CSMD1: variants seen among roughly 807,000 people sequenced by gnomAD.
CSMD1 encodes the protein CUB and sushi domain-containing protein 1.
CSMD1 carries 213 observed loss-of-function variants against 417.5 expected under a neutral mutation model. The ratio of observed to expected loss-of-function variants is 0.51; its 90% CI spans 0.46 to 0.57. The LOEUF is 0.57. CSMD1 is among the 20% of genes least tolerant of loss of function. The pLI is 0.00. For missense variants in CSMD1, 6,923 were observed against 4,529.7 expected, an observed-to-expected ratio of 1.53 and a Z score of -15.17; for synonymous variants, 2,862 against 1,736.8, an observed-to-expected ratio of 1.65 and a Z score of -16.11.
intron 23 of CSMD1, among the ~76,000 whole-genome samples, chr8:3,321,696 C>T (rs1445200783): frequency 2.2e-5 from 3 of 136,656 alleles, no homozygotes; most frequent in Non-Finnish European, 3.2e-5. Flanking sequence ...GACAATGTGT[C>T]TGTAAGTGCT....
At chr8:3,018,764 A>AT in intron 51 of CSMD1, 114 bp from the exon 52 acceptor site, 1 of 932,678 alleles carries the variant, frequency 1.1e-6, no homozygotes, top group Admixed American at 2.6e-5. Flanking sequence ...TTTAGTCTTA[A>AT]TTTTCACTAA....
chr8:3,103,929 C>G (rs4875239), intron 46 of CSMD1, among the ~76,000 whole-genome samples: 150,135 of 151,688 alleles, frequency 0.99, 74,304 homozygotes, highest in East Asian at 1. Context: ...TTTCAGTAGA[C>G]ACGGGGTTTC....
chr8:4,300,010 T>C (rs1797894618), intron 3 of CSMD1, among the ~76,000 whole-genome samples: 1 of 152,198 alleles, frequency 6.6e-6, no homozygotes, highest in Non-Finnish European at 1.5e-5. Flanking sequence ...AGCATAAATC[T>C]ACAAGTTTGT....
intron 10 of CSMD1, among the ~76,000 whole-genome samples, chr8:3,539,093 C>T (rs888915140): frequency 6.6e-6 from 1 of 152,190 alleles, no homozygotes; most frequent in Non-Finnish European, 1.5e-5. Flanking sequence ...AGTCTTGCCC[C>T]AGTCCCTTTC....
chr8:3,566,271 A>G (rs1466194359), intron 10 of CSMD1, among the ~76,000 whole-genome samples: 1 of 152,182 alleles, frequency 6.6e-6, no homozygotes, highest in Non-Finnish European at 1.5e-5. Context: ...GAAGAAAAGA[A>G]TAACAAGAAG....
At chr8:4,657,024 C>A (rs568034511) in intron 1 of CSMD1, among the ~76,000 whole-genome samples, 4 of 152,156 alleles carry the variant, frequency 2.6e-5, no homozygotes, top group Admixed American at 2.6e-4. Flanking sequence ...CGCAAAGCCA[C>A]CAGGACACGC....
chr8:3,727,470 A>G (rs1435433401), intron 6 of CSMD1, among the ~76,000 whole-genome samples: 1 of 152,240 alleles, frequency 6.6e-6, no homozygotes, highest in African/African-American at 2.4e-5. Context: ...GTGCATTAAA[A>G]ATGAATAAAG....
chr8:3,882,448 C>A (rs895796491), intron 5 of CSMD1, among the ~76,000 whole-genome samples: 1 of 152,306 alleles, frequency 6.6e-6, no homozygotes, highest in African/African-American at 2.4e-5. Flanking sequence ...ATTTCCTACA[C>A]TACGGTGGTA....
chr8:4,239,916 G>C (rs1356659669), intron 3 of CSMD1, among the ~76,000 whole-genome samples: 1 of 152,172 alleles, frequency 6.6e-6, no homozygotes, highest in African/African-American at 2.4e-5. Flanking sequence ...GTAAAATAGA[G>C]TTGAATTAGT....
intron 5 of CSMD1, among the ~76,000 whole-genome samples, chr8:3,810,102 G>T (rs1286419878): frequency 6.6e-6 from 1 of 152,100 alleles, no homozygotes; most frequent in East Asian, 1.9e-4. Flanking sequence ...TTATTCAGCT[G>T]TCTTTCTGCC....
intron 10 of CSMD1, among the ~76,000 whole-genome samples, chr8:3,523,717 A>C (rs561216486): frequency 1.3e-5 from 2 of 150,698 alleles, no homozygotes; most frequent in South Asian, 4.2e-4. Flanking sequence ...ATGCACACAC[A>C]TATGCATGCA....
intron 2 of CSMD1, among the ~76,000 whole-genome samples, chr8:4,470,568 G>C (rs1218775317): frequency 6.6e-6 from 1 of 152,190 alleles, no homozygotes; most frequent in Non-Finnish European, 1.5e-5. Context: ...CAGAGTGAAT[G>C]TACAACCAAA....
intron 55 of CSMD1, 57 bp downstream of exon 55, chr8:2,978,555 G>A: frequency 1.5e-6 from 2 of 1,344,878 alleles, no homozygotes; most frequent in East Asian, 2.6e-5. Flanking sequence ...GGAATTTTCT[G>A]CTGATGGTGA....
intron 6 of CSMD1, among the ~76,000 whole-genome samples, chr8:3,751,173 C>G (rs1797318930): frequency 6.6e-6 from 1 of 151,998 alleles, no homozygotes; most frequent in South Asian, 2.1e-4. Context: ...TAAAGTCAGC[C>G]TTGAAATGTT....
chr8:4,417,709 G>C (rs562890571), intron 3 of CSMD1, among the ~76,000 whole-genome samples: 1 of 151,950 alleles, frequency 6.6e-6, no homozygotes, highest in Non-Finnish European at 1.5e-5. Context: ...GAGGAAATCT[G>C]AGGTATCAGA....
chr8:3,523,990 C>G (rs1214097409), intron 10 of CSMD1, among the ~76,000 whole-genome samples: 2 of 150,556 alleles, frequency 1.3e-5, no homozygotes, highest in Non-Finnish European at 3.0e-5. Flanking sequence ...CATGCACACC[C>G]AGAGACACAT....
chr8:3,137,413 G>C (rs1377106550), intron 41 of CSMD1, among the ~76,000 whole-genome samples: 10 of 152,212 alleles, frequency 6.6e-5, no homozygotes, highest in African/African-American at 2.2e-4. Flanking sequence ...CTCAAGTATG[G>C]AGCTCACAGG....
intron 10 of CSMD1, among the ~76,000 whole-genome samples, chr8:3,506,358 G>A (rs772530415): frequency 6.6e-6 from 1 of 152,196 alleles, no homozygotes; most frequent in African/African-American, 2.4e-5. Context: ...GAGTTTGCAT[G>A]CTAACAAGAA....
intron 1 of CSMD1, among the ~76,000 whole-genome samples, chr8:4,897,593 G>C (rs1355366669): frequency 6.6e-6 from 1 of 152,028 alleles, no homozygotes; most frequent in Non-Finnish European, 1.5e-5. Context: ...AATTCTTAGT[G>C]ACCAATACAA....
Sources: gnomAD v4.1 joint callset for allele counts (sites outside exome capture counted in the v4.1 genomes callset) on GRCh38, gnomAD v4.1.1 for gene constraint, MANE v1.5 for transcripts, NCBI Gene and HGNC (gene_info 2026-07-23, HGNC 2026-07-21) for gene names.